Variants in PALM2AKAP2 observed in about 807,000 individuals in gnomAD.
PALM2AKAP2 encodes PALM2-AKAP2 fusion protein.
In PALM2AKAP2, 37 loss-of-function variants were observed where a neutral mutation model predicts 71.5. That is an observed-to-expected ratio of 0.52 (90% confidence interval 0.40 to 0.68). The LOEUF is 0.68. Ranked by LOEUF, PALM2AKAP2 falls within the 30% of genes least tolerant of loss-of-function variation. PALM2AKAP2 has a pLI of 0.00. For synonymous variants in PALM2AKAP2, 468 were observed against 478.8 expected (o/e 0.98, Z 0.29); for missense variants, 1,224 against 1,191.8 (o/e 1.03, Z -0.40).
intron 2 of PALM2AKAP2, among the ~76,000 whole-genome samples, chr9:110,152,988 T>C (rs73655315): frequency 0.04 from 6,051 of 152,202 alleles, 423 homozygotes; most frequent in African/African-American, 0.14. Context: ...AGGGGGTAGA[T>C]AGAACCAGAA....
At chr9:109,775,077 C>G (rs967400420) in intron 1 of PALM2AKAP2, among the ~76,000 whole-genome samples, 2 of 152,178 alleles carry the variant, frequency 1.3e-5, no homozygotes, top group African/African-American at 4.8e-5. Context: ...TCATTCTAAT[C>G]TATTATGTGA....
intron 1 of PALM2AKAP2, among the ~76,000 whole-genome samples, chr9:109,862,220 C>CT (rs1829328509): frequency 6.6e-6 from 1 of 152,122 alleles, no homozygotes; most frequent in Non-Finnish European, 1.5e-5. Flanking sequence ...TGTCAGTACT[C>CT]TTTGAGTTGT....
At chr9:110,166,774 A>G (rs1003662447) in intron 3 of PALM2AKAP2, among the ~76,000 whole-genome samples, 1 of 152,162 alleles carries the variant, frequency 6.6e-6, no homozygotes, top group East Asian at 1.9e-4. Flanking sequence ...GCAGAGAAGC[A>G]GGTTGAGATG....
At chr9:109,841,850 A>C (rs188108657) in intron 1 of PALM2AKAP2, among the ~76,000 whole-genome samples, 629 of 59,534 alleles carry the variant, frequency 0.011, 10 homozygotes, top group African/African-American at 0.039. Context: ...GGAGGGAAAG[A>C]GGGGAGGGTG....
At chr9:109,733,300 A>T (rs1327054501) in intron 1 of PALM2AKAP2, among the ~76,000 whole-genome samples, 16 of 152,174 alleles carry the variant, frequency 1.1e-4, no homozygotes, top group Non-Finnish European at 2.4e-4. Flanking sequence ...CATTTGTTAG[A>T]TTGTTCAAAG....
chr9:109,744,559 G>A (rs978956962), intron 1 of PALM2AKAP2, among the ~76,000 whole-genome samples: 3 of 152,170 alleles, frequency 2.0e-5, no homozygotes, highest in Admixed American at 6.5e-5. Flanking sequence ...TTTCATAAAT[G>A]TTTGGAGGAC....
intron 3 of PALM2AKAP2, among the ~76,000 whole-genome samples, chr9:109,892,142 A>T (rs549315084): frequency 6.6e-6 from 1 of 152,352 alleles, no homozygotes; most frequent in Non-Finnish European, 1.5e-5. Context: ...TCCAGAGGCC[A>T]GAAGTCCAAA....
chr9:109,665,429 T>A (rs1458018251), intron 1 of PALM2AKAP2, among the ~76,000 whole-genome samples: 1 of 152,218 alleles, frequency 6.6e-6, no homozygotes, highest in Non-Finnish European at 1.5e-5. Flanking sequence ...TAGTTTTCCT[T>A]CTAACAGTCA....
At chr9:109,917,248 G>C (rs1202803171) in intron 3 of PALM2AKAP2, among the ~76,000 whole-genome samples, 2 of 152,178 alleles carry the variant, frequency 1.3e-5, no homozygotes, top group Admixed American at 6.5e-5. Context: ...TTCTCCCCTA[G>C]AGCCTGCAGA....
intron 3 of PALM2AKAP2, among the ~76,000 whole-genome samples, chr9:110,161,337 C>G (rs1479073143): frequency 6.6e-6 from 1 of 152,172 alleles, no homozygotes; most frequent in Admixed American, 6.5e-5. Flanking sequence ...CGCTCATTAC[C>G]ATAATTCTGG....
At chr9:109,766,009 C>T (rs1234755697) in intron 1 of PALM2AKAP2, among the ~76,000 whole-genome samples, 1 of 152,182 alleles carries the variant, frequency 6.6e-6, no homozygotes, top group Non-Finnish European at 1.5e-5. Context: ...CTGGAATTCC[C>T]CCAGCTCCTC....
chr9:109,712,952 A>G (rs1021107422), intron 1 of PALM2AKAP2, among the ~76,000 whole-genome samples: 2 of 152,246 alleles, frequency 1.3e-5, no homozygotes, highest in Admixed American at 6.5e-5. Context: ...TCTAAAGCAC[A>G]AAGAATAAAT....
intron 1 of PALM2AKAP2, among the ~76,000 whole-genome samples, chr9:110,079,779 T>C (rs1007158091): frequency 6.6e-6 from 1 of 152,032 alleles, no homozygotes; most frequent in African/African-American, 2.4e-5. Context: ...CAGATTTTTA[T>C]TAGAAGGTTG....
intron 1 of PALM2AKAP2, among the ~76,000 whole-genome samples, chr9:109,674,415 A>C (rs1159565270): frequency 6.6e-6 from 1 of 152,046 alleles, no homozygotes; most frequent in African/African-American, 2.4e-5. Context: ...GCCGTACATT[A>C]AAAATAATAT....
At position 109,783,167 on chromosome 9, in the gene PALM2AKAP2, C is replaced by T. The variant is rs188785583; in HGVS notation, c.45+2634C>T. Among the ~76,000 whole-genome samples the T allele has an allele frequency of 2.6e-5, 4 of 152,190 alleles. No homozygotes were observed. In the East Asian group the frequency reaches 7.7e-4, roughly 29 times the overall value. ...GGGTTCATGAGTTCTACCTCCTGGG[C>T]TGGTTGTAAGGTTTAGTTAGGATGG... On this transcript the variant is annotated intron_variant, in intron 1 of 9. Transcript: ENST00000302798.
At chr9:109,705,942 C>T (rs3927432) in intron 1 of PALM2AKAP2, among the ~76,000 whole-genome samples, 4,298 of 152,270 alleles carry the variant, frequency 0.028, 177 homozygotes, top group African/African-American at 0.097. Flanking sequence ...TTCCCCAATC[C>T]TTCTGCCCTG....
At chr9:109,654,933 A>G (rs989858724) in intron 1 of PALM2AKAP2, among the ~76,000 whole-genome samples, 3 of 151,994 alleles carry the variant, frequency 2.0e-5, no homozygotes, top group African/African-American at 7.3e-5. Context: ...AAAATCCCCA[A>G]TTTTCTGGAA....
At chr9:109,718,550 A>G (rs150466705) in intron 1 of PALM2AKAP2, among the ~76,000 whole-genome samples, 75 of 151,562 alleles carry the variant, frequency 4.9e-4, no homozygotes, top group Non-Finnish European at 8.9e-4. Context: ...TGCTTGTCTA[A>G]CTTCTTTTTT....
rs35739397 is a variant in PALM2AKAP2, at chr9:109,990,067, CTTTT to C, written c.497-25873_497-25870del. ...TCACTGTTTTCTTTTTTCTTTCTTT[CTTTT>C]TTTTTTTTTTTTTCTTTTGTGGCAG... On this transcript the variant is annotated intron_variant, in intron 6 of 9. Transcript: ENST00000302798. Among the ~76,000 whole-genome samples the C allele has an allele frequency of 8.9e-5, 12 of 134,114 alleles. No homozygotes were observed. The South Asian group carries it at 2.6e-3, about 29-fold the overall frequency. 88.0% of individuals were successfully genotyped at this position (134,114 alleles called of 152,430 possible). A position where few individuals can be genotyped will look rare whatever the true frequency, so the allele number is the denominator to read the frequency against.
Sources: allele counts gnomAD v4.1 joint callset (sites outside exome capture counted in the v4.1 genomes callset), GRCh38; gene constraint gnomAD v4.1.1; transcripts MANE v1.5; gene names NCBI Gene and HGNC (gene_info 2026-07-23, HGNC 2026-07-21).